The following RALYL variants were observed in gnomAD, a reference collection of about 807,000 sequenced individuals.
The protein encoded by RALYL is RNA-binding Raly-like protein.
RALYL carries 29 observed loss-of-function variants against 35.1 expected under a neutral mutation model. The ratio of observed to expected loss-of-function variants is 0.83; its 90% CI spans 0.61 to 1.13. RALYL has a LOEUF of 1.13. Among genes scored for constraint, RALYL ranks in the 50% most tolerant of loss-of-function variants. The pLI, the probability that RALYL is intolerant of heterozygous loss-of-function variation, is 0.00. For missense variants in RALYL, 359 were observed against 360.4 expected, an observed-to-expected ratio of 1.00 and a Z score of 0.03; for synonymous variants, 120 against 127.6, an observed-to-expected ratio of 0.94 and a Z score of 0.40.
intron 2 of RALYL, among the ~76,000 whole-genome samples, chr8:84,660,331 C>A (rs955240722): frequency 3.3e-5 from 5 of 151,932 alleles, no homozygotes; most frequent in African/African-American, 1.2e-4. Flanking sequence ...TCAGTTCTTT[C>A]ACATAACCAT....
At chr8:84,690,605 G>T (rs1018128752) in intron 2 of RALYL, among the ~76,000 whole-genome samples, 1 of 151,870 alleles carries the variant, frequency 6.6e-6, no homozygotes, top group African/African-American at 2.4e-5. Context: ...ATTATAAATT[G>T]TAAATATATA....
At chr8:84,571,012 G>A (rs758966376) in intron 2 of RALYL, among the ~76,000 whole-genome samples, 3 of 151,704 alleles carry the variant, frequency 2.0e-5, no homozygotes, top group Non-Finnish European at 2.9e-5. Flanking sequence ...TTGCATCTAG[G>A]TTCATCAGGG....
chr8:84,588,207 A>G (rs1812417934), intron 2 of RALYL, among the ~76,000 whole-genome samples: 1 of 152,140 alleles, frequency 6.6e-6, no homozygotes, highest in South Asian at 2.1e-4. Flanking sequence ...AGCCTTACCT[A>G]GGTTGTTAAA....
At chr8:84,420,800 G>C (rs2045454011) in intron 1 of RALYL, among the ~76,000 whole-genome samples, 1 of 113,944 alleles carries the variant, frequency 8.8e-6, no homozygotes, top group East Asian at 2.3e-4. Flanking sequence ...TTATTAAATA[G>C]GGAATCCTTT....
chr8:84,907,093 C>T (rs1846628132), intron 8 of RALYL: 1 of 428,776 alleles, frequency 2.3e-6, no homozygotes, highest in Non-Finnish European at 3.1e-6. Context: ...TTCTGCCTTG[C>T]CACAGTTTTA....
intron 2 of RALYL, among the ~76,000 whole-genome samples, chr8:84,595,618 C>T (rs1814318865): frequency 6.6e-6 from 1 of 152,018 alleles, no homozygotes; most frequent in African/African-American, 2.4e-5. Flanking sequence ...ATGTTTGAAA[C>T]TGTTCTTTCA....
intron 1 of RALYL, among the ~76,000 whole-genome samples, chr8:84,255,602 T>A (rs1410916691): frequency 6.6e-6 from 1 of 152,126 alleles, no homozygotes; most frequent in African/African-American, 2.4e-5. Context: ...TTTAAGAGTC[T>A]GACATTTTTT....
chr8:84,493,811 T>C (rs1423523504), intron 1 of RALYL, among the ~76,000 whole-genome samples: 1 of 152,156 alleles, frequency 6.6e-6, no homozygotes. Context: ...TAGATCTTTG[T>C]CAGATGGGTA....
At chr8:84,781,912 T>C (rs977988109) in intron 3 of RALYL, among the ~76,000 whole-genome samples, 2 of 152,184 alleles carry the variant, frequency 1.3e-5, no homozygotes, top group Non-Finnish European at 2.9e-5. Flanking sequence ...TATGTTTTCC[T>C]AACTCTGTTT....
At chr8:84,908,047 A>T (rs1235169142) in intron 8 of RALYL, among the ~76,000 whole-genome samples, 1 of 152,132 alleles carries the variant, frequency 6.6e-6, no homozygotes, top group East Asian at 1.9e-4. Context: ...CAGTGTTCTC[A>T]CTACATGAGT....
At chr8:84,891,020 G>C (rs1025699988) in intron 8 of RALYL, among the ~76,000 whole-genome samples, 1 of 152,030 alleles carries the variant, frequency 6.6e-6, no homozygotes, top group African/African-American at 2.4e-5. Flanking sequence ...ATGAATAAAA[G>C]AAAAACAAAG....
At position 84,231,653 on chromosome 8, in the gene RALYL, A is replaced by AT. The variant is rs145355533; in HGVS notation, c.-24+47230dup. 9.0e-3 allele frequency among the ~76,000 whole-genome samples: 1,373 copies of AT among 152,310 alleles called. 15 individuals carry two copies. Among genetic ancestry groups the AT allele is most frequent in the African/African-American group, 0.031 (1,304 of 41,570 alleles). On this transcript the variant is annotated intron_variant, in intron 1 of 8. Transcript: ENST00000521268. The stretch of plus-strand genomic sequence containing the variant: ...TCTTGGGTTAGATGAACCTAAGAAA[A>AT]TATATGGAGTTCTGTTTATTTCTTA...
chr8:84,396,843 G>A (rs565268626), intron 1 of RALYL, among the ~76,000 whole-genome samples: 1 of 151,824 alleles, frequency 6.6e-6, no homozygotes, highest in African/African-American at 2.4e-5. Context: ...TATAATCAAG[G>A]GCCTAACATC....
chr8:84,417,847 A>G (rs1041237538), intron 1 of RALYL, among the ~76,000 whole-genome samples: 1 of 152,102 alleles, frequency 6.6e-6, no homozygotes, highest in Non-Finnish European at 1.5e-5. Flanking sequence ...TTAAAATCCT[A>G]GCAAGTATTT....
intron 1 of RALYL, among the ~76,000 whole-genome samples, chr8:84,381,075 A>G (rs1256019369): frequency 6.6e-6 from 1 of 151,836 alleles, no homozygotes. Context: ...ATCAAGTACA[A>G]TCCCAGTAAG....
chr8:84,599,820 C>A (rs1421103908), intron 2 of RALYL, among the ~76,000 whole-genome samples: 1 of 151,380 alleles, frequency 6.6e-6, no homozygotes, highest in African/African-American at 2.4e-5. Flanking sequence ...CTTTTTAGAT[C>A]TCTTTTTCTT....
intron 2 of RALYL, among the ~76,000 whole-genome samples, chr8:84,621,564 G>T (rs143580851): frequency 1.3e-5 from 2 of 151,138 alleles, no homozygotes; most frequent in African/African-American, 4.9e-5. Flanking sequence ...CTTCGGCGTC[G>T]CTCACGCTGG....
chr8:84,253,176 G>GTTTTTTTTTTTTTT (rs764942491), intron 1 of RALYL, among the ~76,000 whole-genome samples: 1 of 52,822 alleles, frequency 1.9e-5, no homozygotes, highest in Non-Finnish European at 3.2e-5. Flanking sequence ...TAGTTCTGCA[G>GTTTTTTTTTTTTTT]TTTTTTTTTT....
chr8:84,216,566 A>T (rs116012096), intron 1 of RALYL, among the ~76,000 whole-genome samples: 4,938 of 152,232 alleles, frequency 0.032, 271 homozygotes, highest in African/African-American at 0.11. Context: ...GTGTGGCAAG[A>T]ATAGCTAAAA....
Sources: allele counts gnomAD v4.1 joint callset (sites outside exome capture counted in the v4.1 genomes callset), GRCh38; gene constraint gnomAD v4.1.1; transcripts MANE v1.5; gene names NCBI Gene and HGNC (gene_info 2026-07-23, HGNC 2026-07-21).